The following VPS13D variants were observed in gnomAD, a reference collection of about 807,000 sequenced individuals.
The protein encoded by VPS13D is vacuolar protein sorting 13 homolog D, also known as intermembrane lipid transfer protein VPS13D.
In VPS13D, 187 loss-of-function variants were observed where a neutral mutation model predicts 461.9. The observed-to-expected ratio is 0.40, with a 90% CI of 0.36 to 0.46. VPS13D has a LOEUF of 0.46. Ranked by LOEUF, VPS13D falls within the 20% of genes least tolerant of loss-of-function variation. VPS13D has a pLI of 0.60. For missense variants in VPS13D, 4,711 were observed against 5,364.9 expected, an observed-to-expected ratio of 0.88 and a Z score of 3.81; for synonymous variants, 1,951 against 1,986.3, an observed-to-expected ratio of 0.98 and a Z score of 0.47.
At chr1:12,426,067 C>G (rs1644921507) in intron 65 of VPS13D, among the ~76,000 whole-genome samples, 1 of 152,222 alleles carries the variant, frequency 6.6e-6, no homozygotes, top group Admixed American at 6.5e-5. Flanking sequence ...TTAATCTTTA[C>G]TATCTGGAAA....
intron 67 of VPS13D, among the ~76,000 whole-genome samples, chr1:12,493,908 G>T (rs1171734339): frequency 6.6e-6 from 1 of 152,228 alleles, no homozygotes; most frequent in Non-Finnish European, 1.5e-5. Context: ...AGAGAAGAAA[G>T]AAGAGTTTTT....
chr1:12,392,683 A>G (rs536004137), intron 60 of VPS13D, among the ~76,000 whole-genome samples: 1 of 152,260 alleles, frequency 6.6e-6, no homozygotes, highest in Non-Finnish European at 1.5e-5. Flanking sequence ...TCAAAAGGAC[A>G]GTAGTTATCT....
At chr1:12,348,744 A>G in intron 44 of VPS13D, 79 bp from the exon 45 acceptor site, 1 of 1,531,652 alleles carries the variant, frequency 6.5e-7, no homozygotes, top group Middle Eastern at 1.8e-4. Context: ...CTTTTAAGGT[A>G]GACATTCTGA....
chr1:12,289,715 A>T (rs960569215), intron 22 of VPS13D, among the ~76,000 whole-genome samples: 13 of 151,992 alleles, frequency 8.6e-5, no homozygotes, highest in African/African-American at 2.4e-4. Flanking sequence ...GCACTTTGGG[A>T]GGCTGAGGTC....
chr1:12,364,789 G>A lies in VPS13D; in HGVS notation c.10448+1542G>A, dbSNP rs544178768. Reference sequence around the variant, plus strand: ...CTTTTCATGTGCTTTTTGGCCATTTGTATATCTTCATTGGAAAAAATATCT... The same window carrying A: ...CTTTTCATGTGCTTTTTGGCCATTTATATATCTTCATTGGAAAAAATATCT... On this transcript the variant is annotated intron_variant, in intron 52 of 69. Coordinates refer to ENST00000620676, the MANE Select transcript of VPS13D (RefSeq NM_015378.4). Among the ~76,000 whole-genome samples, 10 of 152,252 alleles carry A rather than the reference G, an allele frequency of 6.6e-5. No homozygotes were observed. The East Asian group carries it at 1.9e-3, about 29-fold the overall frequency.
At chr1:12,348,635 T>C (rs1643728973) in intron 44 of VPS13D, among the ~76,000 whole-genome samples, 188 bp from the exon 45 acceptor site, 1 of 152,240 alleles carries the variant, frequency 6.6e-6, no homozygotes, top group Non-Finnish European at 1.5e-5. Flanking sequence ...TTAGAATTTT[T>C]TTTTTTAACA....
intron 66 of VPS13D, 44 bp downstream of exon 66, chr1:12,456,174 G>T: frequency 2.5e-6 from 4 of 1,572,202 alleles, no homozygotes; most frequent in Non-Finnish European, 3.4e-6. Context: ...CTGGTCCTCA[G>T]AGGCGCCTTT....
At chr1:12,326,273 C>G (rs1226857878) in intron 35 of VPS13D, among the ~76,000 whole-genome samples, 4 of 109,274 alleles carry the variant, frequency 3.7e-5, no homozygotes, top group African/African-American at 1.5e-4. Context: ...TTTAACAATT[C>G]GAGCACCTTT....
chr1:12,379,377 G>T, intron 56 of VPS13D, 111 bp from the exon 57 acceptor site: 1 of 926,124 alleles, frequency 1.1e-6, no homozygotes. Context: ...CAGTTTTAAG[G>T]GTGGAGGGCA....
At chr1:12,369,327 A>T in intron 53 of VPS13D, 140 bp from the exon 54 acceptor site, 1 of 764,364 alleles carries the variant, frequency 1.3e-6, no homozygotes, top group South Asian at 1.7e-5. Context: ...AGGTGAGATG[A>T]TGAATTTCAC....
At chr1:12,467,328 C>T (rs1483600359) in intron 67 of VPS13D, among the ~76,000 whole-genome samples, 3 of 152,150 alleles carry the variant, frequency 2.0e-5, no homozygotes, top group East Asian at 3.9e-4. Flanking sequence ...CACGCCACCT[C>T]GCCCAGCTAA....
In VPS13D at chr1:12,299,470, C is replaced by A; in HGVS notation, c.6216+86C>A. On this transcript the variant is annotated intron_variant, in intron 25 of 69. Transcript: ENST00000620676. This position sits in a 1 kb window ranked among gnomAD's most constrained non-coding sequence, Gnocchi z 4.2. ...ATTTGTATGCTGCTGTAAGATGATC[C>A]ATAATTGCTATTACTTTTGTAGGGT... is the stretch of plus-strand genomic sequence containing the variant. 7.0e-7 allele frequency: 1 copy of A among 1,431,810 alleles called. No individual in the cohort carries two copies. Among genetic ancestry groups the A allele is most frequent in the Non-Finnish European group, 9.3e-7 (1 of 1,070,904 alleles). The allele number at this position is 1,431,810 out of a possible 1,614,324, so 88.7% of individuals were successfully genotyped here. A position where few individuals can be genotyped will look rare whatever the true frequency, so the allele number is the denominator to read the frequency against.
chr1:12,363,134 G>GAATA lies in VPS13D; in HGVS notation c.10335_10336insAATA (p.Pro3446AsnfsTer5). The stretch of plus-strand genomic sequence containing the variant: ...CTGGTTCCAGTGTGGTGTTCCACTG[G>GAATA]CCTCGGAATGACTATGATCAGCTAT... On this transcript the variant is annotated frameshift_variant, in exon 52 of 70. Coordinates refer to ENST00000620676, the MANE Select transcript of VPS13D (RefSeq NM_015378.4). LOFTEE classifies it high-confidence loss of function. The GAATA allele has an allele frequency of 6.2e-7, 1 of 1,614,180 alleles. No homozygotes were observed.
rs763414750 is a variant in VPS13D at position 12,373,877 on chromosome 1, A to G, written c.10917+19A>G. 1.3e-6 allele frequency: 2 copies of G among 1,587,900 alleles called. No homozygotes were observed. Among genetic ancestry groups the G allele is most frequent in the Non-Finnish European group, 1.7e-6 (2 of 1,161,942 alleles). On this transcript the variant is annotated intron_variant, in intron 55 of 69. Coordinates refer to ENST00000620676, the MANE Select transcript of VPS13D (RefSeq NM_015378.4). ...AAAGAAGGTAAGAGAGCTTACAATC[A>G]GAGTTTAGAATACAAGGTTTTTAGC...
At chr1:12,320,820 A>G (rs1643015476) in intron 32 of VPS13D, among the ~76,000 whole-genome samples, 1 of 152,238 alleles carries the variant, frequency 6.6e-6, no homozygotes, top group African/African-American at 2.4e-5. Context: ...ATGGCAAAAT[A>G]TTTGAGATCG....
chr1:12,297,526 C>A (rs1642309673), intron 24 of VPS13D, among the ~76,000 whole-genome samples: 1 of 152,130 alleles, frequency 6.6e-6, no homozygotes, highest in Middle Eastern at 3.2e-3. Flanking sequence ...AGTTATTTTT[C>A]TTACTATTCT....
intron 14 of VPS13D, among the ~76,000 whole-genome samples, 188 bp from the exon 15 acceptor site, chr1:12,267,657 A>G (rs1641313080): frequency 6.6e-6 from 1 of 152,198 alleles, no homozygotes; most frequent in Non-Finnish European, 1.5e-5. Context: ...AAAGGAAAAG[A>G]TGTGGTCTCA....
intron 62 of VPS13D, 124 bp from the exon 63 acceptor site, chr1:12,403,701 A>C (rs1644610362): frequency 1.1e-6 from 1 of 911,138 alleles, no homozygotes; most frequent in Non-Finnish European, 1.6e-6. Context: ...TCACAAACTA[A>C]ATCGAGAGTG....
chr1:12,491,422 A>G (rs1645879739), intron 67 of VPS13D, among the ~76,000 whole-genome samples: 1 of 152,232 alleles, frequency 6.6e-6, no homozygotes, highest in African/African-American at 2.4e-5. Context: ...GACCTATGAC[A>G]TAGTTACTCA....
Sources: gnomAD v4.1 joint callset for allele counts (sites outside exome capture counted in the v4.1 genomes callset) on GRCh38, gnomAD v4.1.1 for gene constraint, Gnocchi (gnomAD v3.1) non-coding constraint, MANE v1.5 for transcripts, NCBI Gene and HGNC (gene_info 2026-07-23, HGNC 2026-07-21) for gene names.